SOS1: variants seen among roughly 807,000 people sequenced by gnomAD.
SOS1 encodes son of sevenless homolog 1.
SOS1 carries 25 observed loss-of-function variants against 157.6 expected under a neutral mutation model. The observed-to-expected ratio is 0.16, with a 90% confidence interval of 0.12 to 0.22. The LOEUF (loss-of-function observed/expected upper bound fraction) is 0.22. SOS1 is among the 10% of genes least tolerant of loss of function. The pLI, the probability that SOS1 is intolerant of heterozygous loss-of-function variation, is 1.00. For synonymous variants in SOS1, 528 were observed against 534.0 expected, an observed-to-expected ratio of 0.99 and a Z score of 0.16; for missense variants, 1,237 against 1,599.1, an observed-to-expected ratio of 0.77 and a Z score of 3.86.
chr2:39,102,365 G>A (rs1673001993), intron 1 of SOS1, among the ~76,000 whole-genome samples: 1 of 149,640 alleles, frequency 6.7e-6, no homozygotes, highest in Admixed American at 6.7e-5. Flanking sequence ...TTTACCAAAG[G>A]GGAAAAAAAA....
chr2:39,027,815 G>A (rs1406938161), intron 8 of SOS1, among the ~76,000 whole-genome samples: 3 of 151,832 alleles, frequency 2.0e-5, no homozygotes, highest in Non-Finnish European at 2.9e-5. Flanking sequence ...AACTCATCTA[G>A]GGAATCATAT....
chr2:39,083,736 T>G (rs1165364663), intron 1 of SOS1, among the ~76,000 whole-genome samples: 2 of 152,214 alleles, frequency 1.3e-5, no homozygotes, highest in Admixed American at 1.3e-4. Flanking sequence ...GAATTTATCC[T>G]GTAAAAATAA....
rs1455001942 is a variant in SOS1, at chr2:39,035,385, T to C, written c.975+5A>G. ...TTGTACATCTTCATTTAAAAATTAC[T>C]ATACCTGCAAATAAAGTGCTGCCCC... On this transcript the variant is annotated splice_donor_5th_base_variant and intron_variant, in intron 7 of 22. Coordinates refer to ENST00000402219, the MANE Select transcript of SOS1 (RefSeq NM_005633.4). 1 of 1,608,490 alleles carries C rather than the reference T, an allele frequency of 6.2e-7. No homozygotes were observed. The highest frequency in any genetic ancestry group is 8.5e-7 in the Non-Finnish European group (1 of 1,174,992).
chr2:38,985,393 C>A lies in SOS1; in HGVS notation c.*431G>T, dbSNP rs1572795389. The stretch of plus-strand genomic sequence containing the variant: ...AGTAGAAGAGTAAAGCAAAGGAAAA[C>A]AAAGGAAGATATTAAGATCCCTGTT... On this transcript the variant is annotated 3_prime_UTR_variant, in exon 23 of 23. Coordinates refer to ENST00000402219, the MANE Select transcript of SOS1 (RefSeq NM_005633.4). 2 of 191,642 alleles carry A rather than the reference C, an allele frequency of 1.0e-5. No individual in the cohort carries two copies. Among genetic ancestry groups the A allele is most frequent in the East Asian group, 1.2e-4 (1 of 8,112 alleles). The allele number at this position is 191,642 out of a possible 1,614,324, so 11.9% of individuals were successfully genotyped here.
intron 1 of SOS1, among the ~76,000 whole-genome samples, chr2:39,106,606 A>C (rs1190117650): frequency 1.3e-5 from 2 of 148,692 alleles, no homozygotes; most frequent in East Asian, 1.9e-4. Context: ...AAAAAACAAA[A>C]AAAAAAACAA....
chr2:39,074,489 G>C (rs536895076), intron 1 of SOS1, among the ~76,000 whole-genome samples: 2 of 152,016 alleles, frequency 1.3e-5, no homozygotes, highest in East Asian at 1.9e-4. Flanking sequence ...GCTTGAACCC[G>C]AGAGGCAGAG....
intron 6 of SOS1, among the ~76,000 whole-genome samples, chr2:39,046,463 TTTTTA>T (rs1325219721): frequency 1.3e-5 from 2 of 151,824 alleles, no homozygotes; most frequent in Non-Finnish European, 1.5e-5. Flanking sequence ...ACTTTCTAAT[TTTTTA>T]TTTATTTATT....
At chr2:39,069,122 G>C (rs1298221745) in intron 1 of SOS1, among the ~76,000 whole-genome samples, 1 of 144,748 alleles carries the variant, frequency 6.9e-6, no homozygotes, top group Non-Finnish European at 1.5e-5. Flanking sequence ...GAGGAAGGAG[G>C]AACACTTAAG....
rs186736915 is a variant in SOS1 at position 39,021,438 on chromosome 2, T to G, written c.1858+1132A>C. Among the ~76,000 whole-genome samples, 264 of 151,378 alleles carry G rather than the reference T, an allele frequency of 1.7e-3. 2 individuals carry two copies. The East Asian group carries it at 0.024, about 14-fold the overall frequency. ...AGTCTTACAGAAACAATTAAAAATT[T>G]TGTAATTTGAAAATGTTTTCCTGCC... On this transcript the variant is annotated intron_variant, in intron 10 of 22. Transcript: ENST00000402219.
chr2:38,986,206 G>C lies in SOS1; in HGVS notation c.3620C>G (p.Pro1207Arg), dbSNP rs730881025. Residue 1207 changes from proline (P) to arginine (R), a missense_variant, in exon 23 of 23, where the codon CCT becomes CGT. Around this residue, in one of 15 missense-constraint regions of SOS1, gnomAD observed 306 missense variants for 322.6 expected, o/e 0.95. Coordinates refer to ENST00000402219, the MANE Select transcript of SOS1 (RefSeq NM_005633.4). ...SISDRTSISD[P>R]PESPPLLPPR... is the part of the protein sequence containing the mutation. Reference sequence around the variant, plus strand: ...TGGTAATAAGGGAGGGCTTTCAGGAGGGTCTGAGATAGAGGTCCGGTCTGA... The same window carrying C: ...TGGTAATAAGGGAGGGCTTTCAGGACGGTCTGAGATAGAGGTCCGGTCTGA... 6.2e-7 allele frequency: 1 copy of C among 1,614,000 alleles called. No individual in the cohort carries two copies. Among genetic ancestry groups the C allele is most frequent in the Non-Finnish European group, 8.5e-7 (1 of 1,179,924 alleles).
rs200073263 is a variant in SOS1, at chr2:39,025,516, AT to A, written c.1075-1380del. ...GGGTGTCTGTCACCACACCTGACTG[AT>A]TTTTTTTTTTTTTTTTACTTCTAGT... On this transcript the variant is annotated intron_variant, in intron 8 of 22. Transcript: ENST00000402219. Among the ~76,000 whole-genome samples the A allele has an allele frequency of 7.2e-3, 1,012 of 139,634 alleles. 2 individuals carry two copies. Among genetic ancestry groups the A allele is most frequent in the South Asian group, 1.0e-2 (43 of 4,310 alleles). The allele number at this position is 139,634 out of a possible 152,430, so 91.6% of individuals were successfully genotyped here.
At chr2:39,046,812 C>T (rs1369262033) in intron 6 of SOS1, among the ~76,000 whole-genome samples, 2 of 152,108 alleles carry the variant, frequency 1.3e-5, no homozygotes, top group Admixed American at 1.3e-4. Context: ...CTACCAATTT[C>T]TTTTTCACCA....
intron 1 of SOS1, among the ~76,000 whole-genome samples, chr2:39,085,616 G>C (rs1672342503): frequency 6.6e-6 from 1 of 152,122 alleles, no homozygotes; most frequent in African/African-American, 2.4e-5. Context: ...TTCTCCAAAT[G>C]AATCACGTTC....
chr2:39,068,522 T>C (rs1165523937), intron 1 of SOS1, among the ~76,000 whole-genome samples: 2 of 152,212 alleles, frequency 1.3e-5, no homozygotes, highest in African/African-American at 4.8e-5. Context: ...AGTGTATCTA[T>C]GGCAGCAAGC....
At chr2:39,005,952 G>T (rs374550103) in intron 17 of SOS1, among the ~76,000 whole-genome samples, 9 of 152,104 alleles carry the variant, frequency 5.9e-5, no homozygotes, top group African/African-American at 1.9e-4. Context: ...GAAGGAAAAG[G>T]TACTTCCTTC....
intron 1 of SOS1, 117 bp downstream of exon 1, chr2:39,120,219 A>C (rs1033198096): frequency 3.3e-6 from 3 of 901,452 alleles, no homozygotes; most frequent in Non-Finnish European, 4.6e-6. Context: ...GTCCTTTTGG[A>C]GACGCGGCGA....
intron 1 of SOS1, among the ~76,000 whole-genome samples, chr2:39,111,803 C>T (rs1484848463): frequency 6.6e-6 from 1 of 151,028 alleles, no homozygotes; most frequent in African/African-American, 2.4e-5. Context: ...AACCTTAGCT[C>T]ACTGCAACCT....
At chr2:38,993,616 C>T (rs1434278244) in intron 20 of SOS1, 1 of 152,144 alleles carries the variant, frequency 6.6e-6, no homozygotes, top group African/African-American at 2.4e-5. Flanking sequence ...TAGATTTCTT[C>T]CAACTGAGAG....
intron 1 of SOS1, among the ~76,000 whole-genome samples, chr2:39,099,806 T>C (rs1014892183): frequency 2.0e-5 from 3 of 152,130 alleles, no homozygotes; most frequent in Admixed American, 1.3e-4. Context: ...TGGCACGATC[T>C]CGACTCACTG....
Sources: allele counts gnomAD v4.1 joint callset (sites outside exome capture counted in the v4.1 genomes callset), GRCh38; gene constraint gnomAD v4.1.1; regional missense constraint gnomAD v4.1.1; transcripts MANE v1.5; gene names NCBI Gene and HGNC (gene_info 2026-07-23, HGNC 2026-07-21).